MYBPC2: variants seen among roughly 807,000 people sequenced by gnomAD.
MYBPC2 encodes myosin-binding protein C, fast-type.
MYBPC2 carries 122 observed loss-of-function variants against 137.0 expected under a neutral mutation model. The ratio of observed to expected loss-of-function variants is 0.89; its 90% CI spans 0.77 to 1.03. The LOEUF is 1.03. Ranked by LOEUF, MYBPC2 falls within the 50% of genes least tolerant of loss-of-function variation. The pLI is 0.00. For missense variants in MYBPC2, 1,500 were observed against 1,534.4 expected, an observed-to-expected ratio of 0.98 and a Z score of 0.37; for synonymous variants, 626 against 612.3, an observed-to-expected ratio of 1.02 and a Z score of -0.33.
At chr19:50,461,487 A>T in intron 24 of MYBPC2, 55 bp from the exon 25 acceptor site, 1 of 1,552,822 alleles carries the variant, frequency 6.4e-7, no homozygotes, top group Non-Finnish European at 8.8e-7. Flanking sequence ...TCTTGTGTGT[A>T]ATCGTGTGAT....
Position 50,448,394 on chromosome 19 carries a change from A to C in MYBPC2, c.1472+4A>C. 6.2e-7 allele frequency: 1 copy of C among 1,612,956 alleles called. No homozygotes were observed. On this transcript the variant is annotated splice_donor_region_variant and intron_variant, in intron 13 of 27. Transcript: ENST00000357701. ...TCACCATTTCCCATGTAGGCAGGTG[A>C]GGAGTGGGCTGCAGAAGTGGCTGGG...
rs143888997 is a variant in MYBPC2 at position 50,447,835 on chromosome 19, C to T, written c.1307-390C>T. Among the ~76,000 whole-genome samples, 24 of 151,440 alleles carry T rather than the reference C, an allele frequency of 1.6e-4. No individual in the cohort carries two copies. In the East Asian group the frequency reaches 3.1e-3, roughly 20 times the overall value. ...TCACGCCATTGCAGTCCAGCCTGGG[C>T]GACAAGAGTGAAACTCCATCTCAAA... On this transcript the variant is annotated intron_variant, in intron 12 of 27. Transcript: ENST00000357701.
intron 20 of MYBPC2, among the ~76,000 whole-genome samples, chr19:50,457,580 G>A (rs953909468): frequency 4.6e-5 from 7 of 152,056 alleles, no homozygotes; most frequent in African/African-American, 7.2e-5. Flanking sequence ...CCTGAGCTGC[G>A]TGTCCAGGAT....
chr19:50,455,836 T>A (rs1399478390), intron 20 of MYBPC2, among the ~76,000 whole-genome samples, 192 bp downstream of exon 20: 1 of 152,212 alleles, frequency 6.6e-6, no homozygotes, highest in Admixed American at 6.5e-5. Context: ...CTTCTTCCTT[T>A]CTACATCCAT....
chr19:50,452,462 A>G (rs62116066), intron 16 of MYBPC2, among the ~76,000 whole-genome samples: 2 of 147,916 alleles, frequency 1.4e-5, no homozygotes, highest in South Asian at 2.2e-4. Flanking sequence ...CTATCTATGT[A>G]TCTGTGTATG....
chr19:50,443,430 C>A, intron 9 of MYBPC2, 64 bp from the exon 10 acceptor site: 2 of 1,572,976 alleles, frequency 1.3e-6, no homozygotes, highest in Non-Finnish European at 1.7e-6. Context: ...AACAGGTAAG[C>A]AGAGCTACCC....
In MYBPC2 at chr19:50,461,885, A is replaced by C. The variant is rs1198816426; in HGVS notation, c.3092-15A>C. 2.5e-6 allele frequency: 4 copies of C among 1,592,352 alleles called. No individual in the cohort carries two copies. In the African/African-American group the frequency reaches 4.0e-5, roughly 16 times the overall value. On this transcript the variant is annotated splice_polypyrimidine_tract_variant and intron_variant, in intron 25 of 27. Transcript: ENST00000357701. ...TCTAGATCAGTCGCCTTACGGGTGC[A>C]TCCTCTCTCCCCAGGAATCACCTTC...
intron 23 of MYBPC2, 70 bp downstream of exon 23, chr19:50,459,376 A>T: frequency 1.3e-6 from 1 of 795,770 alleles, no homozygotes; most frequent in South Asian, 1.5e-5. Flanking sequence ...GGAGGAGGTA[A>T]GAGATGAGGG....
At chr19:50,438,539 T>C (rs1034940064) in intron 7 of MYBPC2, among the ~76,000 whole-genome samples, 16 of 152,138 alleles carry the variant, frequency 1.1e-4, no homozygotes, top group African/African-American at 1.4e-4. Context: ...CTCTGTTAGA[T>C]TGAACTATGT....
intron 15 of MYBPC2, among the ~76,000 whole-genome samples, chr19:50,451,571 T>C (rs2039858360): frequency 1.0e-5 from 1 of 99,626 alleles, no homozygotes. Context: ...CCTGGATCCC[T>C]GGGTCTGAGG....
intron 14 of MYBPC2, 52 bp from the exon 15 acceptor site, chr19:50,451,228 T>C: frequency 6.3e-7 from 1 of 1,598,998 alleles, no homozygotes; most frequent in Admixed American, 1.7e-5. Flanking sequence ...GAAGGTGGGG[T>C]GAGGGGCCTG....
rs570695035 is a variant in MYBPC2, at chr19:50,458,823, G to A, written c.2506+69G>A. On this transcript the variant is annotated intron_variant, in intron 21 of 27. Coordinates refer to ENST00000357701, the MANE Select transcript of MYBPC2 (RefSeq NM_004533.4). ...TCGTCCCGCCTGCCCTTTCCGTGTC[G>A]TCGACAGGACCTCCCCAGAGAGCCT... 1.6e-5 allele frequency: 26 copies of A among 1,597,604 alleles called. No homozygotes were observed. In the South Asian group the frequency reaches 2.7e-4, roughly 16 times the overall value.
At chr19:50,464,734 G>A (rs1411841412) in intron 27 of MYBPC2, among the ~76,000 whole-genome samples, 1 of 152,190 alleles carries the variant, frequency 6.6e-6, no homozygotes, top group African/African-American at 2.4e-5. Context: ...ACCCAGCTTG[G>A]GAAGGAGTCA....
rs762687756 is a variant in MYBPC2 at position 50,436,598 on chromosome 19, C to T, written c.346-19C>T. On this transcript the variant is annotated intron_variant, in intron 4 of 27. Transcript: ENST00000357701. ...TAGAGGGTGGTCCCGTGCACCCACA[C>T]CCCCGGCCCTGGACCCAGGTGTACA... 8 of 1,606,938 alleles carry T rather than the reference C, an allele frequency of 5.0e-6. No individual in the cohort carries two copies. In the South Asian group the frequency reaches 6.6e-5, roughly 13 times the overall value.
chr19:50,451,045 C>G (rs1446691833), intron 14 of MYBPC2, 110 bp downstream of exon 14: 2 of 1,085,454 alleles, frequency 1.8e-6, no homozygotes, highest in East Asian at 2.6e-5. Context: ...CGAATGAGGA[C>G]GACAGCAAGC....
At chr19:50,451,046 G>A (rs962361236) in intron 14 of MYBPC2, 111 bp downstream of exon 14, 25 of 1,087,758 alleles carry the variant, frequency 2.3e-5, no homozygotes, top group Non-Finnish European at 3.0e-5. Flanking sequence ...GAATGAGGAC[G>A]ACAGCAAGCG....
intron 11 of MYBPC2, among the ~76,000 whole-genome samples, chr19:50,445,383 C>T (rs920442504): frequency 3.3e-5 from 5 of 151,014 alleles, no homozygotes; most frequent in Non-Finnish European, 7.4e-5. Context: ...CCTCCTCTCT[C>T]TCCTCACTGC....
intron 11 of MYBPC2, 110 bp from the exon 12 acceptor site, chr19:50,445,770 C>T (rs1054936481): frequency 1.0e-4 from 116 of 1,122,462 alleles, no homozygotes; most frequent in African/African-American, 2.7e-4. Context: ...CTCCTCCCTC[C>T]GGGGACCTGC....
At position 50,460,197 on chromosome 19, in the gene MYBPC2, G is replaced by C; in HGVS notation, c.2931+18G>C. 6.3e-7 allele frequency: 1 copy of C among 1,594,396 alleles called. No homozygotes were observed. On this transcript the variant is annotated intron_variant, in intron 24 of 27. Coordinates refer to ENST00000357701, the MANE Select transcript of MYBPC2 (RefSeq NM_004533.4). Reference sequence around the variant, plus strand: ...AAACCATGGTGAGAGAGCAGAGGGGGAGATGGGGAAGAGCCGGTGAGGTGG... The same window carrying C: ...AAACCATGGTGAGAGAGCAGAGGGGCAGATGGGGAAGAGCCGGTGAGGTGG...
Sources: gnomAD v4.1 joint callset for allele counts (sites outside exome capture counted in the v4.1 genomes callset) on GRCh38, gnomAD v4.1.1 for gene constraint, MANE v1.5 for transcripts, NCBI Gene and HGNC (gene_info 2026-07-23, HGNC 2026-07-21) for gene names.